The following PTPRN2 variants were observed in gnomAD, a reference collection of about 807,000 sequenced individuals.
PTPRN2 encodes the protein protein tyrosine phosphatase receptor type N2.
In PTPRN2, 74 loss-of-function variants were observed where a neutral mutation model predicts 118.8. The ratio of observed to expected loss-of-function variants is 0.62; its 90% CI spans 0.52 to 0.76. PTPRN2 has a LOEUF of 0.76. Ranked by LOEUF, PTPRN2 falls within the 30% of genes least tolerant of loss-of-function variation. The pLI is 0.00. For missense variants in PTPRN2, 1,481 were observed against 1,394.4 expected (o/e 1.06, Z -0.99); for synonymous variants, 641 against 608.0 (o/e 1.05, Z -0.80).
chr7:158,490,475 C>T (rs1238992590), intron 1 of PTPRN2, among the ~76,000 whole-genome samples: 1 of 152,206 alleles, frequency 6.6e-6, no homozygotes. Flanking sequence ...CCCCAAGCCA[C>T]GCATCCCCCG....
chr7:158,163,186 C>T (rs893762132), intron 6 of PTPRN2, among the ~76,000 whole-genome samples: 5 of 152,194 alleles, frequency 3.3e-5, no homozygotes, highest in African/African-American at 9.7e-5. Flanking sequence ...GATGCCTGTA[C>T]GGGGTTCTCA....
chr7:158,378,447 C>T (rs1810716832), intron 2 of PTPRN2, among the ~76,000 whole-genome samples: 1 of 152,158 alleles, frequency 6.6e-6, no homozygotes, highest in Non-Finnish European at 1.5e-5. Flanking sequence ...CCGCAGGTCC[C>T]AGTGACTCAT....
chr7:158,471,837 C>T (rs778475545), intron 2 of PTPRN2, among the ~76,000 whole-genome samples: 4 of 152,254 alleles, frequency 2.6e-5, no homozygotes, highest in Non-Finnish European at 4.4e-5. Context: ...AATTGGCGGG[C>T]GCCCCGGCCC....
At chr7:157,827,878 C>T (rs894523395) in intron 12 of PTPRN2, among the ~76,000 whole-genome samples, 13 of 152,164 alleles carry the variant, frequency 8.5e-5, no homozygotes, top group Non-Finnish European at 1.5e-4. Context: ...TCGGGCTGCA[C>T]GTTCTGATTT....
chr7:157,663,526 G>T (rs965689580), intron 13 of PTPRN2, among the ~76,000 whole-genome samples: 1 of 152,240 alleles, frequency 6.6e-6, no homozygotes, highest in East Asian at 1.9e-4. Flanking sequence ...GGGCTGGGAC[G>T]TTTGGCCGCT....
At chr7:158,155,528 AT>A (rs1821655018) in intron 6 of PTPRN2, among the ~76,000 whole-genome samples, 2 of 143,248 alleles carry the variant, frequency 1.4e-5, no homozygotes, top group African/African-American at 5.0e-5. Context: ...CACCATCACC[AT>A]CAGCACTATC....
rs916858068 is a variant in PTPRN2 at position 158,555,257 on chromosome 7, C to A, written c.112+32301G>T. On this transcript the variant is annotated intron_variant, in intron 1 of 22. Transcript: ENST00000389418. The surrounding 1 kb of genome is among the most constrained non-coding windows in gnomAD (Gnocchi z 4.7). ...TCAGCAGCTCTTACGACTGCAAGATCCCACAGCTGCCTTTTGGGGGAGGTT... is the reference window on the plus strand; with the variant it reads ...TCAGCAGCTCTTACGACTGCAAGATACCACAGCTGCCTTTTGGGGGAGGTT... Among the ~76,000 whole-genome samples, 15 of 152,226 alleles carry A rather than the reference C, an allele frequency of 9.9e-5. No individual in the cohort carries two copies. The highest frequency in any genetic ancestry group is 2.0e-4 in the Admixed American group (3 of 15,284).
intron 21 of PTPRN2, among the ~76,000 whole-genome samples, chr7:157,557,896 T>C (rs924688842): frequency 6.6e-6 from 1 of 151,500 alleles, no homozygotes; most frequent in Non-Finnish European, 1.5e-5. Flanking sequence ...TGTAGAAGTG[T>C]ATGAATGAGT....
At chr7:158,018,620 G>T (rs1367443545) in intron 11 of PTPRN2, among the ~76,000 whole-genome samples, 1 of 152,110 alleles carries the variant, frequency 6.6e-6, no homozygotes, top group East Asian at 1.9e-4. Context: ...ACCGTATGTG[G>T]TAGAGACGGT....
chr7:158,099,004 C>G (rs1814932524), intron 10 of PTPRN2, among the ~76,000 whole-genome samples: 2 of 31,218 alleles, frequency 6.4e-5, no homozygotes, highest in Non-Finnish European at 1.6e-4. Flanking sequence ...CCCCTTCCTC[C>G]CCCAACACAT....
At chr7:157,605,089 C>G (rs1335425631) in intron 15 of PTPRN2, among the ~76,000 whole-genome samples, 1 of 152,272 alleles carries the variant, frequency 6.6e-6, no homozygotes, top group Non-Finnish European at 1.5e-5. Flanking sequence ...TTTGCTCAGG[C>G]TGGGCCTGGC....
At chr7:158,244,900 T>TCCCAGGGTGACAGAGC (rs1796119109) in intron 3 of PTPRN2, among the ~76,000 whole-genome samples, 1 of 152,162 alleles carries the variant, frequency 6.6e-6, no homozygotes, top group East Asian at 1.9e-4. Context: ...GCTCAGTGTC[T>TCCCAGGGTGACAGAGC]CCCAGTGTGA....
chr7:157,699,932 A>T (rs1797986643), intron 12 of PTPRN2, among the ~76,000 whole-genome samples: 1 of 152,194 alleles, frequency 6.6e-6, no homozygotes, highest in Non-Finnish European at 1.5e-5. Context: ...TATAATCTGC[A>T]ACAGGGTGCT....
chr7:158,012,588 G>A lies in PTPRN2; in HGVS notation c.1723+68710C>T, dbSNP rs181659265. Among the ~76,000 whole-genome samples the A allele has an allele frequency of 1.2e-4, 18 of 152,320 alleles. No individual in the cohort carries two copies. The East Asian group carries it at 1.4e-3, about 11-fold the overall frequency. ...GCTGGCACCAGCTCTTATTACCACC[G>A]CTTGAAGAACATGGTACATTTGTTT... is the stretch of plus-strand genomic sequence containing the variant. On this transcript the variant is annotated intron_variant, in intron 11 of 22. Coordinates refer to ENST00000389418, the MANE Select transcript of PTPRN2 (RefSeq NM_002847.5).
intron 12 of PTPRN2, among the ~76,000 whole-genome samples, chr7:157,790,088 TGTG>T (rs1328384543): frequency 1.6e-5 from 2 of 122,882 alleles, no homozygotes; most frequent in Non-Finnish European, 3.4e-5. Flanking sequence ...GTGTGGTGTG[TGTG>T]GTGGTGACAT....
chr7:158,304,738 G>T (rs572886422), intron 3 of PTPRN2, among the ~76,000 whole-genome samples: 2 of 152,136 alleles, frequency 1.3e-5, no homozygotes, highest in South Asian at 4.1e-4. Context: ...TTAAGATAAG[G>T]GACTGTGGAG....
At chr7:158,192,521 T>A (rs774333801) in intron 4 of PTPRN2, 26 bp from the exon 5 acceptor site, 2 of 1,563,370 alleles carry the variant, frequency 1.3e-6, no homozygotes, top group Admixed American at 1.9e-5. Context: ...AAACCAGACA[T>A]CAACCGCATG....
chr7:158,237,811 G>A (rs935826479), intron 3 of PTPRN2, among the ~76,000 whole-genome samples: 4 of 152,124 alleles, frequency 2.6e-5, no homozygotes, highest in Admixed American at 6.5e-5. Flanking sequence ...CTGGCTTCTC[G>A]TTTCCTGCTC....
rs1563583906 is a variant in PTPRN2 at position 158,192,481 on chromosome 7, CTG to C, written c.393_394del (p.His131GlnfsTer52). On this transcript the variant is annotated frameshift_variant, in exon 5 of 23. Coordinates refer to ENST00000389418, the MANE Select transcript of PTPRN2 (RefSeq NM_002847.5). LOFTEE classifies it high-confidence loss of function. ...ACTGTACCTCCTCTCGCTGCCAACG[CTG>C]TGTTTTGAGGGCCTGAAAAAGCAAA... 6.3e-7 allele frequency: 1 copy of C among 1,584,290 alleles called. No individual in the cohort carries two copies. Among genetic ancestry groups the C allele is most frequent in the Non-Finnish European group, 8.6e-7 (1 of 1,168,782 alleles).
Sources: gnomAD v4.1 joint callset for allele counts (sites outside exome capture counted in the v4.1 genomes callset) on GRCh38, gnomAD v4.1.1 for gene constraint, Gnocchi (gnomAD v3.1) non-coding constraint, MANE v1.5 for transcripts, NCBI Gene and HGNC (gene_info 2026-07-23, HGNC 2026-07-21) for gene names.